Variants in COL1A2 observed in about 807,000 individuals in gnomAD.
The protein encoded by COL1A2 is collagen alpha-2(I) chain.
A neutral mutation model predicts 174.3 loss-of-function variants in COL1A2; 49 were observed. The observed-to-expected ratio is 0.28, with a 90% CI of 0.22 to 0.36. COL1A2 has a LOEUF of 0.36. Ranked by LOEUF, COL1A2 falls within the 10% of genes least tolerant of loss-of-function variation. The pLI, the probability that COL1A2 is intolerant of heterozygous loss-of-function variation, is 1.00. For missense variants in COL1A2, 1,438 were observed against 1,822.7 expected (o/e 0.79, Z 3.84); for synonymous variants, 655 against 606.6 (o/e 1.08, Z -1.17).
intron 37 of COL1A2, 115 bp from the exon 38 acceptor site, chr7:94,420,894 A>AT (rs1040057026): frequency 6.5e-5 from 72 of 1,100,292 alleles, no homozygotes; most frequent in Non-Finnish European, 9.4e-5. Flanking sequence ...ACAGATAGTC[A>AT]TTTTTTATTT....
Position 94,424,451 on chromosome 7 carries a change from C to T in COL1A2, c.2673+8C>T, listed in dbSNP as rs760346992. 39 of 1,611,316 alleles carry T rather than the reference C, an allele frequency of 2.4e-5. No homozygotes were observed. Among genetic ancestry groups the T allele is most frequent in the Admixed American group, 3.3e-5 (2 of 59,992 alleles). ...GGTGTTGCTGGTGCTGTGGTGAGTG[C>T]TTGACAGTATTCTGACTCCATTAAC... On this transcript the variant is annotated splice_region_variant and intron_variant, in intron 41 of 51. Transcript: ENST00000297268.
chr7:94,429,099 T>C (rs1792344982), intron 50 of COL1A2, 89 bp from the exon 51 acceptor site: 2 of 908,230 alleles, frequency 2.2e-6, no homozygotes, highest in Non-Finnish European at 3.1e-6. Context: ...TCCTGAGATC[T>C]TTTTTTTTCT....
rs112530798 is a variant in COL1A2 at position 94,430,604 on chromosome 7, T to G, written c.*211T>G. 3 of 582,488 alleles carry G rather than the reference T, an allele frequency of 5.2e-6. No homozygotes were observed. The highest frequency in any genetic ancestry group is 2.9e-5 in the East Asian group (1 of 34,384). The allele number at this position is 582,488 out of a possible 1,614,324, so 36.1% of individuals were successfully genotyped here. A position where few individuals can be genotyped will look rare whatever the true frequency, so the allele number is the denominator to read the frequency against. ...TCCTTCCCCCGCTCCCCCAAAAATT[T>G]GAATTTTTTTTTCAACACTCTTACA... On this transcript the variant is annotated 3_prime_UTR_variant, in exon 52 of 52. Coordinates refer to ENST00000297268, the MANE Select transcript of COL1A2 (RefSeq NM_000089.4).
chr7:94,427,056 C>T lies in COL1A2; in HGVS notation c.3154C>T (p.Pro1052Ser). The change falls in exon 47 of 52, where the codon CCT becomes TCT. Residue 1052 changes from proline to serine, a missense_variant. This residue lies in a region of COL1A2 where 867 missense variants were observed against 1,213.7 expected (regional missense o/e 0.71). Transcript: ENST00000297268. The stretch of plus-strand genomic sequence containing the variant: ...TCCTGGCTCCGTGGGTCCTGCTGGT[C>T]CTAGGGTAGGTGGACTCAAGAGAAG... Reference protein sequence around the residue: ...GAPGSVGPAGPRGPAGPSGPA... With the variant: ...GAPGSVGPAGSRGPAGPSGPA... 6.2e-7 allele frequency: 1 copy of T among 1,613,968 alleles called. No individual in the cohort carries two copies. Among genetic ancestry groups the T allele is most frequent in the Non-Finnish European group, 8.5e-7 (1 of 1,179,938 alleles).
intron 42 of COL1A2, 102 bp downstream of exon 42, chr7:94,425,326 A>G (rs760506499): frequency 2.4e-5 from 27 of 1,146,786 alleles, no homozygotes; most frequent in Non-Finnish European, 3.4e-5. Flanking sequence ...TTTCTGAACA[A>G]GATGGTCAGC....
chr7:94,395,291 C>T, intron 1 of COL1A2, 190 bp downstream of exon 1: 1 of 715,460 alleles, frequency 1.4e-6, no homozygotes, highest in South Asian at 1.4e-5. Context: ...ACATAAAAGC[C>T]TTGCCAAAAG....
At chr7:94,406,749 C>G (rs1791808314) in intron 12 of COL1A2, among the ~76,000 whole-genome samples, 1 of 152,072 alleles carries the variant, frequency 6.6e-6, no homozygotes, top group African/African-American at 2.4e-5. Context: ...TCTGTGCACA[C>G]TCAAAAAAAT....
At chr7:94,404,530 T>G (rs775773837) in intron 6 of COL1A2, 26 bp from the exon 7 acceptor site, 1 of 1,612,224 alleles carries the variant, frequency 6.2e-7, no homozygotes, top group Non-Finnish European at 8.5e-7. Flanking sequence ...CAGTGCTAAC[T>G]GTTGATATAT....
At chr7:94,422,367 C>T (rs1792183170) in intron 39 of COL1A2, 1 of 160,064 alleles carries the variant, frequency 6.2e-6, no homozygotes, top group Non-Finnish European at 1.4e-5. Flanking sequence ...TGTCAGGACT[C>T]AAGAAAATTT....
intron 12 of COL1A2, among the ~76,000 whole-genome samples, chr7:94,406,598 C>T (rs2115882260): frequency 6.6e-6 from 1 of 151,998 alleles, no homozygotes; most frequent in Non-Finnish European, 1.5e-5. Flanking sequence ...TCTCTGCAGC[C>T]AAAATAAAAG....
intron 26 of COL1A2, 51 bp from the exon 27 acceptor site, chr7:94,413,639 A>G: frequency 6.4e-7 from 1 of 1,567,144 alleles, no homozygotes; most frequent in Non-Finnish European, 8.8e-7. Flanking sequence ...GAGACATCTT[A>G]AACTACCTGG....
chr7:94,426,889 C>G, intron 46 of COL1A2, 119 bp from the exon 47 acceptor site: 1 of 887,464 alleles, frequency 1.1e-6, no homozygotes, highest in South Asian at 1.5e-5. Flanking sequence ...TTTACATTTT[C>G]AATTTTCTCA....
chr7:94,426,740 A>G lies in COL1A2; in HGVS notation c.3105+210A>G, dbSNP rs1792286054. The G allele has an allele frequency of 4.7e-6, 3 of 632,306 alleles. No homozygotes were observed. In the South Asian group the frequency reaches 5.8e-5, roughly 12 times the overall value. 39.2% of individuals were successfully genotyped at this position (632,306 alleles called of 1,614,324 possible). A position where few individuals can be genotyped will look rare whatever the true frequency, so the allele number is the denominator to read the frequency against. On this transcript the variant is annotated intron_variant, in intron 46 of 51. Coordinates refer to ENST00000297268, the MANE Select transcript of COL1A2 (RefSeq NM_000089.4). ...TAAGGGAGATAGAAATAGACATACA[A>G]TAAAATCTCCTGGTAACAATGTCCT... is the stretch of plus-strand genomic sequence containing the variant.
intron 15 of COL1A2, 68 bp downstream of exon 15, chr7:94,408,448 A>C: frequency 1.3e-6 from 2 of 1,519,736 alleles, no homozygotes; most frequent in Non-Finnish European, 1.8e-6. Context: ...TTCTTCATTA[A>C]TCTCTTACGA....
chr7:94,408,868 A>G (rs1428274398), intron 16 of COL1A2, 45 bp downstream of exon 16: 1 of 1,539,696 alleles, frequency 6.5e-7, no homozygotes, highest in East Asian at 2.2e-5. Context: ...TAAACTTTTT[A>G]CTGTGATGTG....
Position 94,425,989 on chromosome 7 carries a change from A to G in COL1A2, c.2944-9A>G, listed in dbSNP as rs766720213. ...TAGCTAAGTTGTGTTTTTCTTTTTC[A>G]TTTCACAGGGTCCTTCTGGTCCTGT... On this transcript the variant is annotated splice_polypyrimidine_tract_variant and intron_variant, in intron 44 of 51. Coordinates refer to ENST00000297268, the MANE Select transcript of COL1A2 (RefSeq NM_000089.4). 1 of 1,613,738 alleles carries G rather than the reference A, an allele frequency of 6.2e-7. No homozygotes were observed. The highest frequency in any genetic ancestry group is 8.5e-7 in the Non-Finnish European group (1 of 1,179,894).
At chr7:94,398,967 TTA>T in intron 3 of COL1A2, 80 bp from the exon 4 acceptor site, 1 of 1,366,002 alleles carries the variant, frequency 7.3e-7, no homozygotes, top group Non-Finnish European at 1.0e-6. Flanking sequence ...TACCAACTAA[TTA>T]TTATCAAGAA....
intron 15 of COL1A2, 34 bp downstream of exon 15, chr7:94,408,414 T>TGAG: frequency 6.2e-7 from 1 of 1,610,666 alleles, no homozygotes; most frequent in Non-Finnish European, 8.5e-7. Flanking sequence ...TGAAAGGAGT[T>TGAG]GAGAATGTGG....
At chr7:94,398,963 C>G in intron 3 of COL1A2, 86 bp from the exon 4 acceptor site, 1 of 1,318,814 alleles carries the variant, frequency 7.6e-7, no homozygotes, top group Non-Finnish European at 1.1e-6. Context: ...GTCTTACCAA[C>G]TAATTATTAT....
Sources: gnomAD v4.1 joint callset for allele counts (sites outside exome capture counted in the v4.1 genomes callset) on GRCh38, gnomAD v4.1.1 for gene constraint, gnomAD v4.1.1 regional missense constraint, MANE v1.5 for transcripts, NCBI Gene and HGNC (gene_info 2026-07-23, HGNC 2026-07-21) for gene names.